CDH11: variants seen among roughly 807,000 people sequenced by gnomAD.
CDH11 encodes the protein cadherin 11, also known as cadherin-11.
A neutral mutation model predicts 67.8 loss-of-function variants in CDH11; 11 were observed. The ratio of observed to expected loss-of-function variants is 0.16; its 90% confidence interval spans 0.10 to 0.27. CDH11 has a LOEUF of 0.27. Among genes scored for constraint, CDH11 ranks in the 10% least tolerant of loss-of-function variants. The pLI is 1.00. For missense variants in CDH11, 847 were observed against 1,031.2 expected, an observed-to-expected ratio of 0.82 and a Z score of 2.45; for synonymous variants, 419 against 400.0, an observed-to-expected ratio of 1.05 and a Z score of -0.57.
intron 1 of CDH11, among the ~76,000 whole-genome samples, chr16:65,108,493 A>C (rs923503731): frequency 6.6e-6 from 1 of 152,248 alleles, no homozygotes; most frequent in African/African-American, 2.4e-5. Context: ...ATTGTATCTT[A>C]TACTATATAG....
intron 4 of CDH11, 101 bp downstream of exon 4, chr16:64,998,458 TAAA>T: frequency 9.3e-7 from 1 of 1,076,504 alleles, no homozygotes; most frequent in Non-Finnish European, 1.4e-6. Flanking sequence ...CCATAAAAGA[TAAA>T]GAAGAAGCTC....
At chr16:65,097,270 C>A (rs2142846130) in intron 1 of CDH11, among the ~76,000 whole-genome samples, 1 of 152,328 alleles carries the variant, frequency 6.6e-6, no homozygotes, top group South Asian at 2.1e-4. Flanking sequence ...GGATTCCCAA[C>A]TGGGTCATGC....
intron 1 of CDH11, among the ~76,000 whole-genome samples, chr16:65,107,888 T>C (rs1457160117): frequency 6.6e-6 from 1 of 152,116 alleles, no homozygotes; most frequent in Non-Finnish European, 1.5e-5. Flanking sequence ...CTGAGGTTAA[T>C]TGGCTTTCTC....
At chr16:65,039,779 C>T (rs893489228) in intron 2 of CDH11, among the ~76,000 whole-genome samples, 12 of 152,220 alleles carry the variant, frequency 7.9e-5, no homozygotes, top group African/African-American at 2.2e-4. Context: ...AGGCAACCTA[C>T]AGAATGGGCG....
chr16:65,029,777 T>G (rs761444275), intron 2 of CDH11, among the ~76,000 whole-genome samples: 1 of 152,194 alleles, frequency 6.6e-6, no homozygotes, highest in Non-Finnish European at 1.5e-5. Flanking sequence ...AGATTTTCTT[T>G]TATTACCTTT....
intron 11 of CDH11, among the ~76,000 whole-genome samples, chr16:64,955,219 C>G (rs770991348): frequency 6.6e-6 from 1 of 152,108 alleles, no homozygotes; most frequent in African/African-American, 2.4e-5. Context: ...GTACTCCAGC[C>G]TGGGTGACAG....
intron 2 of CDH11, among the ~76,000 whole-genome samples, chr16:65,007,586 C>A (rs1259789762): frequency 1.3e-5 from 2 of 152,148 alleles, no homozygotes; most frequent in African/African-American, 4.8e-5. Context: ...GATTTCTGAG[C>A]AGAAGTCATG....
chr16:65,040,561 T>TG (rs907157538), intron 2 of CDH11, among the ~76,000 whole-genome samples: 3 of 83,502 alleles, frequency 3.6e-5, no homozygotes, highest in African/African-American at 1.4e-4. Flanking sequence ...TGTTGTGGGG[T>TG]GGGGGGAGGA....
intron 1 of CDH11, among the ~76,000 whole-genome samples, chr16:65,120,658 C>G (rs575688575): frequency 1.3e-5 from 2 of 152,228 alleles, no homozygotes; most frequent in East Asian, 3.9e-4. Flanking sequence ...TTAAAAGATG[C>G]GATTTCTTAA....
rs928422731 is a variant in CDH11 at position 64,987,908 on chromosome 16, C to G, written c.999+249G>C. 5 of 359,854 alleles carry G rather than the reference C, an allele frequency of 1.4e-5. No individual in the cohort carries two copies. In the East Asian group the frequency reaches 1.8e-4, roughly 13 times the overall value. 22.3% of individuals were successfully genotyped at this position (359,854 alleles called of 1,614,324 possible). ...ATGGGAGAACTGTGCTTCCCTCCAT[C>G]GGAAAACATTTAAGAACTAACTAGC... is the stretch of plus-strand genomic sequence containing the variant. On this transcript the variant is annotated intron_variant, in intron 7 of 12. Coordinates refer to ENST00000268603, the MANE Select transcript of CDH11 (RefSeq NM_001797.4).
At chr16:65,004,368 A>G (rs569130806) in intron 3 of CDH11, among the ~76,000 whole-genome samples, 23 of 152,340 alleles carry the variant, frequency 1.5e-4, no homozygotes, top group Admixed American at 2.6e-4. Context: ...GAGAGACCCC[A>G]TATCTAAATA....
At chr16:64,995,542 G>T (rs549432712) in intron 4 of CDH11, among the ~76,000 whole-genome samples, 3 of 152,300 alleles carry the variant, frequency 2.0e-5, no homozygotes, top group Middle Eastern at 3.4e-3. Context: ...CTAGCCTCAT[G>T]CAGAAGAGTG....
chr16:65,115,491 C>G lies in CDH11; in HGVS notation c.-298+6389G>C, dbSNP rs534173829. ...CCAAGTCTATTTCAGACAGGGCAAG[C>G]AACCCCAGCACACACTGAAGGCTCA... On this transcript the variant is annotated intron_variant, in intron 1 of 12. Transcript: ENST00000268603. Among the ~76,000 whole-genome samples the G allele has an allele frequency of 1.8e-4, 28 of 152,198 alleles. No homozygotes were observed. The South Asian group carries it at 4.4e-3, about 24-fold the overall frequency.
chr16:65,039,204 C>A (rs776928117), intron 2 of CDH11, among the ~76,000 whole-genome samples: 1 of 152,168 alleles, frequency 6.6e-6, no homozygotes, highest in Non-Finnish European at 1.5e-5. Flanking sequence ...TCTGCCTCAT[C>A]GATGTGTCTA....
At chr16:65,062,784 G>A (rs1395080105) in intron 1 of CDH11, among the ~76,000 whole-genome samples, 2 of 152,136 alleles carry the variant, frequency 1.3e-5, no homozygotes, top group Admixed American at 1.3e-4. Flanking sequence ...TCAAACCAAT[G>A]ACTTAGTAAA....
chr16:65,076,204 A>G (rs568120168), intron 1 of CDH11, among the ~76,000 whole-genome samples: 1 of 152,300 alleles, frequency 6.6e-6, no homozygotes, highest in East Asian at 1.9e-4. Context: ...CTCAAATTTC[A>G]TTTGTATCTA....
chr16:64,960,052 G>T (rs901590624), intron 11 of CDH11, among the ~76,000 whole-genome samples: 1 of 152,110 alleles, frequency 6.6e-6, no homozygotes, highest in African/African-American at 2.4e-5. Flanking sequence ...TCATTGATCT[G>T]CCACATGGCA....
At chr16:64,968,450 G>A (rs1207121648) in intron 11 of CDH11, 3 of 983,186 alleles carry the variant, frequency 3.1e-6, no homozygotes, top group Non-Finnish European at 3.6e-6. Flanking sequence ...GGGCAGACAT[G>A]CTCTTCATCT....
At chr16:64,968,582 G>C (rs756875505) in intron 11 of CDH11, 9 of 984,232 alleles carry the variant, frequency 9.1e-6, no homozygotes, top group Non-Finnish European at 1.1e-5. Context: ...CTGCAGAACG[G>C]AATAAGATAA....
Sources: gnomAD v4.1 joint callset for allele counts (sites outside exome capture counted in the v4.1 genomes callset) on GRCh38, gnomAD v4.1.1 for gene constraint, MANE v1.5 for transcripts, NCBI Gene and HGNC (gene_info 2026-07-23, HGNC 2026-07-21) for gene names.